The following PHF19 variants were observed in gnomAD, a reference collection of about 807,000 sequenced individuals.
PHF19 encodes the protein polycomb like 3.
In PHF19, 21 loss-of-function variants were observed where a neutral mutation model predicts 79.8. The observed-to-expected ratio is 0.26, with a 90% CI of 0.19 to 0.38. The LOEUF (loss-of-function observed/expected upper bound fraction) is 0.38. Ranked by LOEUF, PHF19 falls within the 10% of genes least tolerant of loss-of-function variation. The pLI is 1.00. For synonymous variants in PHF19, 273 were observed against 296.3 expected (o/e 0.92, Z 0.81); for missense variants, 445 against 744.2 (o/e 0.60, Z 4.68).
In PHF19 at chr9:120,860,310, C is replaced by G. The variant is rs1424982045; in HGVS notation, c.1305-125G>C. 1.5e-6 allele frequency: 1 copy of G among 645,904 alleles called. No homozygotes were observed. The highest frequency in any genetic ancestry group is 2.9e-6 in the Non-Finnish European group (1 of 350,808). 40.0% of individuals were successfully genotyped at this position (645,904 alleles called of 1,614,324 possible). On this transcript the variant is annotated intron_variant, in intron 13 of 14. Transcript: ENST00000373896. This position sits in a 1 kb window ranked among gnomAD's most constrained non-coding sequence, Gnocchi z 4.1. The stretch of plus-strand genomic sequence containing the variant: ...GGAGGCCCGTCTTCCCACAGCTGAG[C>G]TTCCCACCACCACACCTGTCTGTTT...
At chr9:120,890,803 T>C (rs140586178) in intron 1 of PHF19, among the ~76,000 whole-genome samples, 30 of 152,182 alleles carry the variant, frequency 2.0e-4, no homozygotes, top group Non-Finnish European at 3.2e-4. Context: ...CCATCACAGG[T>C]TTGTTCATCC....
chr9:120,895,803 C>T (rs1450730213), upstream of PHF19, among the ~76,000 whole-genome samples: 4 of 152,092 alleles, frequency 2.6e-5, no homozygotes, highest in African/African-American at 2.4e-5. Flanking sequence ...CAGGCATGCA[C>T]CACCACACCC....
Position 120,860,078 on chromosome 9 carries a change from T to G in PHF19, c.1400+12A>C, listed in dbSNP as rs754531458. 26 of 1,479,942 alleles carry G rather than the reference T, an allele frequency of 1.8e-5. No homozygotes were observed. Among genetic ancestry groups the G allele is most frequent in the Non-Finnish European group, 2.3e-5 (25 of 1,070,826 alleles). The allele number at this position is 1,479,942 out of a possible 1,614,324, so 91.7% of individuals were successfully genotyped here. On this transcript the variant is annotated intron_variant, in intron 14 of 14. Transcript: ENST00000373896. The surrounding 1 kb of genome is among the most constrained non-coding windows in gnomAD (Gnocchi z 4.1). ...TTGCAAAATGTGAAGGCCAGACCTCTAGGAAGCTCACCTGGAGTCATAGGA... is the reference window on the plus strand; with the variant it reads ...TTGCAAAATGTGAAGGCCAGACCTCGAGGAAGCTCACCTGGAGTCATAGGA...
At chr9:120,865,566 A>G (rs954502683) in intron 9 of PHF19, 144 bp downstream of exon 9, 5 of 1,045,308 alleles carry the variant, frequency 4.8e-6, no homozygotes, top group African/African-American at 1.6e-5. Context: ...GAAGGCCCTT[A>G]AAGGACACAA....
At position 120,866,127 on chromosome 9, in the gene PHF19, T is replaced by C. The variant is rs2045692436; in HGVS notation, c.711-31A>G. 1.9e-6 allele frequency: 3 copies of C among 1,550,464 alleles called. No individual in the cohort carries two copies. The highest frequency in any genetic ancestry group is 2.7e-6 in the Non-Finnish European group (3 of 1,122,248). On this transcript the variant is annotated intron_variant, in intron 7 of 14. Transcript: ENST00000373896. The surrounding 1 kb of genome is among the most constrained non-coding windows in gnomAD (Gnocchi z 5.2). ...GGTGGGTAGAGACGGGGGCCTATGGTGGGAGGGGCTCTGACACCCCCACCC... is the reference window on the plus strand; with the variant it reads ...GGTGGGTAGAGACGGGGGCCTATGGCGGGAGGGGCTCTGACACCCCCACCC...
At chr9:120,872,580 G>A (rs530035529) in intron 3 of PHF19, among the ~76,000 whole-genome samples, 1 of 152,306 alleles carries the variant, frequency 6.6e-6, no homozygotes, top group Non-Finnish European at 1.5e-5. Flanking sequence ...CTTGGAGAAG[G>A]GGGCAATTCG....
chr9:120,878,254 C>T (rs2046121282), upstream of PHF19, among the ~76,000 whole-genome samples: 1 of 152,208 alleles, frequency 6.6e-6, no homozygotes. Context: ...CAATGAAAGA[C>T]AACATGCACA....
chr9:120,890,868 G>A (rs2046333280), intron 1 of PHF19, among the ~76,000 whole-genome samples: 1 of 152,180 alleles, frequency 6.6e-6, no homozygotes, highest in African/African-American at 2.4e-5. Context: ...TCATGGTCAA[G>A]TTCAGTCTTC....
At chr9:120,868,774 G>T in intron 6 of PHF19, 2 of 749,344 alleles carry the variant, frequency 2.7e-6, no homozygotes, top group Non-Finnish European at 3.2e-6. Context: ...TCCCCACCCC[G>T]CCCCTCCACA....
In PHF19 at chr9:120,862,413, G is replaced by A. The variant is rs1448768962; in HGVS notation, c.1130+175C>T. Reference sequence around the variant, plus strand: ...TTCCTCCTTGCGAGGTAATAAGGGGGCTGTGGTGGTGAAAGGAGTTGGGGA... The same window carrying A: ...TTCCTCCTTGCGAGGTAATAAGGGGACTGTGGTGGTGAAAGGAGTTGGGGA... On this transcript the variant is annotated intron_variant, in intron 11 of 14. Transcript: ENST00000373896. The surrounding 1 kb of genome is among the most constrained non-coding windows in gnomAD (Gnocchi z 4.6). 6.6e-6 allele frequency among the ~76,000 whole-genome samples: 1 copy of A among 152,236 alleles called. No individual in the cohort carries two copies. Among genetic ancestry groups the A allele is most frequent in the African/African-American group, 2.4e-5 (1 of 41,466 alleles).
chr9:120,868,812 C>T, intron 6 of PHF19: 1 of 1,034,740 alleles, frequency 9.7e-7, no homozygotes, highest in East Asian at 8.6e-5. Context: ...CCTCACCTCC[C>T]TGGGGCCCTG....
At chr9:120,880,114 G>A (rs1156997931), upstream of PHF19, among the ~76,000 whole-genome samples, 1 of 152,196 alleles carries the variant, frequency 6.6e-6, no homozygotes, top group East Asian at 1.9e-4. Flanking sequence ...GAAAGTGGAA[G>A]ATACTCATAG....
At chr9:120,861,759 G>T (rs916829715) in intron 12 of PHF19, among the ~76,000 whole-genome samples, 159 bp downstream of exon 12, 1 of 152,138 alleles carries the variant, frequency 6.6e-6, no homozygotes, top group Admixed American at 6.5e-5. Context: ...GATAAAGCAG[G>T]GGTCTTAGAG....
intron 1 of PHF19, among the ~76,000 whole-genome samples, chr9:120,886,152 G>C (rs2046259629): frequency 6.6e-6 from 1 of 152,208 alleles, no homozygotes; most frequent in South Asian, 2.1e-4. Flanking sequence ...GGAAACATCT[G>C]GGCTGGAGCT....
At chr9:120,861,551 G>A (rs1294996376) in intron 12 of PHF19, among the ~76,000 whole-genome samples, 1 of 152,172 alleles carries the variant, frequency 6.6e-6, no homozygotes, top group East Asian at 1.9e-4. Context: ...AGGGCTTCAG[G>A]GAGGTGGTGG....
upstream of PHF19, among the ~76,000 whole-genome samples, chr9:120,878,367 G>T (rs1564513601): frequency 6.6e-6 from 1 of 152,130 alleles, no homozygotes. Flanking sequence ...ACTCACTCTT[G>T]GGGGAAGGGA....
chr9:120,872,850 G>C (rs1214895667), intron 3 of PHF19, among the ~76,000 whole-genome samples: 1 of 151,946 alleles, frequency 6.6e-6, no homozygotes, highest in Non-Finnish European at 1.5e-5. Flanking sequence ...TCAAACTCCT[G>C]ACGTCAGGCG....
intron 9 of PHF19, among the ~76,000 whole-genome samples, chr9:120,864,498 C>G (rs566231289): frequency 1.2e-4 from 19 of 152,108 alleles, no homozygotes; most frequent in African/African-American, 4.6e-4. Flanking sequence ...AACTGCCCAA[C>G]AGGAAGGAAA....
At position 120,869,056 on chromosome 9, in the gene PHF19, C is replaced by G. The variant is rs2045806720; in HGVS notation, c.614+126G>C. 1 of 1,072,896 alleles carries G rather than the reference C, an allele frequency of 9.3e-7. No individual in the cohort carries two copies. The highest frequency in any genetic ancestry group is 1.6e-5 in the African/African-American group (1 of 60,610). The allele number at this position is 1,072,896 out of a possible 1,614,324, so 66.5% of individuals were successfully genotyped here. A position where few individuals can be genotyped will look rare whatever the true frequency, so the allele number is the denominator to read the frequency against. On this transcript the variant is annotated intron_variant, in intron 6 of 14. Transcript: ENST00000373896. The surrounding 1 kb of genome is among the most constrained non-coding windows in gnomAD (Gnocchi z 5.8). ...GAGGCCCCGCCCCCACAGCGCAACA[C>G]ACTGGGCCCGCCCTCAAGGTCCCCG...
Sources: gnomAD v4.1 joint callset for allele counts (sites outside exome capture counted in the v4.1 genomes callset) on GRCh38, gnomAD v4.1.1 for gene constraint, Gnocchi (gnomAD v3.1) non-coding constraint, MANE v1.5 for transcripts, NCBI Gene and HGNC (gene_info 2026-07-23, HGNC 2026-07-21) for gene names.